Variants in STEAP1B observed in about 807,000 individuals in gnomAD.
STEAP1B encodes STEAP family member 1B.
In STEAP1B, 13 loss-of-function variants were observed where a neutral mutation model predicts 27.9. The ratio of observed to expected loss-of-function variants is 0.47; its 90% CI spans 0.30 to 0.74. The LOEUF is 0.74. Among genes scored for constraint, STEAP1B ranks in the 30% least tolerant of loss-of-function variants. The pLI is 0.06. For synonymous variants in STEAP1B, 86 were observed against 107.1 expected (o/e 0.80, Z 1.22); for missense variants, 250 against 298.7 (o/e 0.84, Z 1.20).
At chr7:22,454,015 T>C (rs1785531540) in intron 4 of STEAP1B, among the ~76,000 whole-genome samples, 1 of 152,244 alleles carries the variant, frequency 6.6e-6, no homozygotes, top group African/African-American at 2.4e-5. Context: ...CTTGGACATG[T>C]CTTTTGGTGG....
chr7:22,463,026 T>A (rs890959915), intron 4 of STEAP1B, among the ~76,000 whole-genome samples: 3 of 152,218 alleles, frequency 2.0e-5, no homozygotes, highest in African/African-American at 7.2e-5. Flanking sequence ...TGCATAAATG[T>A]CTTCTTTTGA....
chr7:22,472,828 GAGT>G (rs1785908020), intron 4 of STEAP1B, among the ~76,000 whole-genome samples: 1 of 152,178 alleles, frequency 6.6e-6, no homozygotes, highest in Admixed American at 6.5e-5. Flanking sequence ...AGAATGGAAA[GAGT>G]CATGGGCTAT....
At chr7:22,481,654 A>T (rs1786076498) in intron 4 of STEAP1B, among the ~76,000 whole-genome samples, 1 of 152,184 alleles carries the variant, frequency 6.6e-6, no homozygotes, top group Non-Finnish European at 1.5e-5. Flanking sequence ...GTGATGAATT[A>T]TTTTGTAAAA....
chr7:22,463,075 G>C (rs974033495), intron 4 of STEAP1B, among the ~76,000 whole-genome samples: 2 of 152,032 alleles, frequency 1.3e-5, no homozygotes, highest in African/African-American at 2.4e-5. Context: ...TTTTTGATGG[G>C]GTTGTTTGTT....
At chr7:22,491,522 T>C (rs977244930) in intron 4 of STEAP1B, among the ~76,000 whole-genome samples, 1 of 152,166 alleles carries the variant, frequency 6.6e-6, no homozygotes, top group Non-Finnish European at 1.5e-5. Flanking sequence ...GAAATCTATA[T>C]GGAAGTAAAC....
intron 4 of STEAP1B, among the ~76,000 whole-genome samples, chr7:22,439,503 G>C (rs1261495459): frequency 6.6e-6 from 1 of 151,862 alleles, no homozygotes; most frequent in Non-Finnish European, 1.5e-5. Context: ...TAAAACGTCT[G>C]ACATTGTTGG....
At chr7:22,492,851 T>G in intron 3 of STEAP1B, 122 bp from the exon 4 acceptor site, 2 of 1,413,180 alleles carry the variant, frequency 1.4e-6, no homozygotes, top group Non-Finnish European at 1.8e-6. Flanking sequence ...TCCACAAATT[T>G]ATGACTTTTT....
At chr7:22,478,276 A>T (rs1441797116) in intron 4 of STEAP1B, among the ~76,000 whole-genome samples, 1 of 152,242 alleles carries the variant, frequency 6.6e-6, no homozygotes, top group Non-Finnish European at 1.5e-5. Context: ...GGCAATGAGG[A>T]CAGACTGCAG....
chr7:22,469,977 A>T (rs1040681745), intron 4 of STEAP1B, among the ~76,000 whole-genome samples: 1 of 152,230 alleles, frequency 6.6e-6, no homozygotes, highest in African/African-American at 2.4e-5. Flanking sequence ...ATTCAGATAA[A>T]TACAGAAATA....
rs754801913 is a variant in STEAP1B at position 22,493,798 on chromosome 7, A to G, written c.123T>C (p.Pro41=). The change falls in exon 3 of 5, where the codon CCT becomes CCC. Residue 41 remains proline, a synonymous_variant. Coordinates refer to ENST00000678116, the MANE Select transcript of STEAP1B (RefSeq NM_001382447.1). ...CTGTTTGCTGCAAATGCAAAAGCACAGGTCTTTTTAGCATGCTGGTCTCTC... is the reference window on the plus strand; with the variant it reads ...CTGTTTGCTGCAAATGCAAAAGCACGGGTCTTTTTAGCATGCTGGTCTCTC... The part of the protein sequence containing the change: ...DTGETSMLKR[P]VLLHLQQTAH... 54 of 1,613,008 alleles carry G rather than the reference A, an allele frequency of 3.3e-5. No homozygotes were observed. The highest frequency in any genetic ancestry group is 2.2e-4 in the East Asian group (10 of 44,892).
chr7:22,476,342 A>G (rs1785971762), intron 4 of STEAP1B, among the ~76,000 whole-genome samples: 1 of 152,224 alleles, frequency 6.6e-6, no homozygotes, highest in African/African-American at 2.4e-5. Flanking sequence ...GTCTATTAGC[A>G]GGAAACTTAT....
chr7:22,440,196 A>G (rs190262972), intron 4 of STEAP1B, among the ~76,000 whole-genome samples: 27 of 152,246 alleles, frequency 1.8e-4, no homozygotes, highest in Non-Finnish European at 3.4e-4. Flanking sequence ...TCGAGGGGGG[A>G]AATTAACAAA....
At chr7:22,456,972 A>ATATATATATATATATTTTTTTTTTT in intron 4 of STEAP1B, among the ~76,000 whole-genome samples, 2 of 57,078 alleles carry the variant, frequency 3.5e-5, no homozygotes, top group Admixed American at 2.0e-4. Flanking sequence ...ATATATATAT[A>ATATATATATATATATTTTTTTTTTT]TTTTTTTTTT....
At chr7:22,479,634 C>G (rs1054825769) in intron 4 of STEAP1B, among the ~76,000 whole-genome samples, 1 of 150,440 alleles carries the variant, frequency 6.6e-6, no homozygotes, top group African/African-American at 2.5e-5. Flanking sequence ...CCTCTCTCCC[C>G]CTAGAGTGGC....
At chr7:22,484,096 T>C (rs951976541) in intron 4 of STEAP1B, among the ~76,000 whole-genome samples, 1 of 152,188 alleles carries the variant, frequency 6.6e-6, no homozygotes, top group Non-Finnish European at 1.5e-5. Flanking sequence ...AAGTGCAAGG[T>C]GAAGCAGCAA....
intron 4 of STEAP1B, among the ~76,000 whole-genome samples, chr7:22,437,373 G>T (rs115173921): frequency 2.0e-5 from 3 of 152,080 alleles, no homozygotes; most frequent in Non-Finnish European, 4.4e-5. Flanking sequence ...TCTGTGTCTG[G>T]CTTACTTCAC....
intron 4 of STEAP1B, among the ~76,000 whole-genome samples, chr7:22,422,430 G>A (rs961826962): frequency 2.6e-5 from 4 of 152,040 alleles, no homozygotes; most frequent in East Asian, 1.9e-4. Context: ...CAAATAGCTT[G>A]AGCAACAACG....
rs1211935945 is a variant in STEAP1B, at chr7:22,478,733, G to A, written c.762+13832C>T. 2.0e-5 allele frequency among the ~76,000 whole-genome samples: 3 copies of A among 152,222 alleles called. No individual in the cohort carries two copies. In the East Asian group the frequency reaches 5.8e-4, roughly 29 times the overall value. ...CAGTAATGGAGACGTTCTCCACACT[G>A]TCTAGTCCAGTAGCAGTTGCCACAT... On this transcript the variant is annotated intron_variant, in intron 4 of 4. Coordinates refer to ENST00000678116, the MANE Select transcript of STEAP1B (RefSeq NM_001382447.1).
At chr7:22,457,293 G>A (rs183790318) in intron 4 of STEAP1B, among the ~76,000 whole-genome samples, 61 of 152,124 alleles carry the variant, frequency 4.0e-4, no homozygotes, top group Middle Eastern at 6.8e-3. Flanking sequence ...AAATAAATTA[G>A]GAATTAGGAA....
Sources: allele counts gnomAD v4.1 joint callset (sites outside exome capture counted in the v4.1 genomes callset), GRCh38; gene constraint gnomAD v4.1.1; transcripts MANE v1.5; gene names NCBI Gene and HGNC (gene_info 2026-07-23, HGNC 2026-07-21).